WWOX: variants seen among roughly 807,000 people sequenced by gnomAD.
WWOX encodes the protein WW domain containing oxidoreductase.
In WWOX, 69 loss-of-function variants were observed where a neutral mutation model predicts 46.2. That is an observed-to-expected ratio of 1.49 (90% CI 1.23 to 1.82). WWOX has a LOEUF of 1.82. Among genes scored for constraint, WWOX ranks in the 40% most tolerant of loss-of-function variants. The pLI is 0.00. For synonymous variants in WWOX, 359 were observed against 202.6 expected (o/e 1.77, Z -6.56); for missense variants, 919 against 542.6 (o/e 1.69, Z -6.89).
chr16:78,418,620 A>G (rs575593189), intron 6 of WWOX, among the ~76,000 whole-genome samples: 1 of 152,318 alleles, frequency 6.6e-6, no homozygotes, highest in South Asian at 2.1e-4. Flanking sequence ...ACTAAGTGGA[A>G]TTTATCCAAA....
chr16:78,957,977 CT>C (rs1481679967), intron 8 of WWOX, among the ~76,000 whole-genome samples: 1 of 152,198 alleles, frequency 6.6e-6, no homozygotes, highest in Non-Finnish European at 1.5e-5. Context: ...TGCCCTCTCA[CT>C]TTCGTTTTAT....
chr16:78,756,978 A>G, intron 8 of WWOX: 1 of 702,956 alleles, frequency 1.4e-6, no homozygotes, highest in Non-Finnish European at 2.6e-6. Flanking sequence ...ACTCAAGCAT[A>G]CCCGTGTAGA....
chr16:78,483,422 ATT>A (rs367626448), intron 8 of WWOX, among the ~76,000 whole-genome samples: 8,886 of 133,814 alleles, frequency 0.066, 722 homozygotes, highest in African/African-American at 0.2. Context: ...TCTGCGTAGA[ATT>A]TTTTTTTTTT....
intron 8 of WWOX, among the ~76,000 whole-genome samples, chr16:79,188,894 G>C (rs1288412958): frequency 6.6e-6 from 1 of 152,186 alleles, no homozygotes; most frequent in Non-Finnish European, 1.5e-5. Context: ...TTGTGTGTGA[G>C]CAGCTGAGCT....
intron 8 of WWOX, among the ~76,000 whole-genome samples, chr16:78,495,077 ATTAT>A (rs2084879298): frequency 1.3e-5 from 2 of 151,874 alleles, no homozygotes; most frequent in Admixed American, 6.6e-5. Context: ...ATTAAAAATA[ATTAT>A]TTAAGCTGCA....
intron 8 of WWOX, among the ~76,000 whole-genome samples, chr16:78,814,640 T>A (rs945169428): frequency 6.6e-6 from 1 of 152,222 alleles, no homozygotes; most frequent in Admixed American, 6.5e-5. Flanking sequence ...TTCTATGGAA[T>A]CATGCACCTT....
chr16:78,626,528 C>G (rs532570663), intron 8 of WWOX, among the ~76,000 whole-genome samples: 5 of 152,122 alleles, frequency 3.3e-5, no homozygotes, highest in Non-Finnish European at 5.9e-5. Context: ...TTCATCACAT[C>G]GTATCAAGCA....
At chr16:78,655,997 C>T (rs943936253) in intron 8 of WWOX, among the ~76,000 whole-genome samples, 1 of 152,132 alleles carries the variant, frequency 6.6e-6, no homozygotes, top group East Asian at 1.9e-4. Flanking sequence ...AAAAGAGAAA[C>T]ACAACATTGA....
intron 6 of WWOX, among the ~76,000 whole-genome samples, chr16:78,420,626 G>A (rs2082903299): frequency 6.7e-6 from 1 of 149,948 alleles, no homozygotes; most frequent in African/African-American, 2.5e-5. Flanking sequence ...AGTGTAGGTA[G>A]ATAGAGGGTG....
In WWOX at chr16:79,212,500, C is replaced by T. The variant is rs192942549; in HGVS notation, c.*704C>T. The T allele has an allele frequency of 5.9e-5, 12 of 204,158 alleles. No homozygotes were observed. The East Asian group carries it at 7.6e-4, about 13-fold the overall frequency. 12.6% of individuals were successfully genotyped at this position (204,158 alleles called of 1,614,324 possible). ...ATACCTTGAAAGGCAGGAAGGGAAG[C>T]GTATATACTTAAGAATACACAGGAT... On this transcript the variant is annotated 3_prime_UTR_variant, in exon 9 of 9. Transcript: ENST00000566780.
chr16:79,026,317 G>A (rs529647248), intron 8 of WWOX, among the ~76,000 whole-genome samples: 4 of 151,562 alleles, frequency 2.6e-5, no homozygotes, highest in Non-Finnish European at 4.4e-5. Flanking sequence ...ATCCTCTGCC[G>A]GGGAGGCTCT....
At chr16:78,245,768 C>A (rs1048684066) in intron 5 of WWOX, among the ~76,000 whole-genome samples, 3 of 152,182 alleles carry the variant, frequency 2.0e-5, no homozygotes, top group Non-Finnish European at 4.4e-5. Flanking sequence ...TAAGTTAGTT[C>A]TTGCGGTACA....
intron 8 of WWOX, among the ~76,000 whole-genome samples, chr16:78,820,647 C>G (rs1567583202): frequency 6.6e-6 from 1 of 152,114 alleles, no homozygotes; most frequent in South Asian, 2.1e-4. Flanking sequence ...AGGGAAGTGC[C>G]TTGCATTTTA....
intron 8 of WWOX, among the ~76,000 whole-genome samples, chr16:79,023,573 A>G (rs553257337): frequency 8.5e-5 from 13 of 152,186 alleles, no homozygotes; most frequent in African/African-American, 3.1e-4. Context: ...ACAGGCAAAC[A>G]TGTGTGTGTT....
At chr16:78,579,974 G>C (rs913941098) in intron 8 of WWOX, among the ~76,000 whole-genome samples, 2 of 152,134 alleles carry the variant, frequency 1.3e-5, no homozygotes, top group Non-Finnish European at 2.9e-5. Flanking sequence ...TCTGAGTCAT[G>C]CCAGCGTTTA....
intron 8 of WWOX, among the ~76,000 whole-genome samples, chr16:78,672,808 G>C (rs1248361900): frequency 6.6e-6 from 1 of 152,224 alleles, no homozygotes; most frequent in Non-Finnish European, 1.5e-5. Context: ...AATGATAACA[G>C]CCATCTGACT....
At chr16:78,965,378 G>C (rs1321823944) in intron 8 of WWOX, among the ~76,000 whole-genome samples, 1 of 152,064 alleles carries the variant, frequency 6.6e-6, no homozygotes. Context: ...AGACTAGCCT[G>C]GTCAACATGG....
intron 8 of WWOX, among the ~76,000 whole-genome samples, chr16:78,990,250 C>G (rs1368129414): frequency 1.3e-5 from 2 of 151,570 alleles, no homozygotes; most frequent in Non-Finnish European, 2.9e-5. Flanking sequence ...TTAAGGGCCT[C>G]CATTCCCCCC....
chr16:78,682,265 T>C (rs370111862), intron 8 of WWOX, among the ~76,000 whole-genome samples: 3 of 152,230 alleles, frequency 2.0e-5, no homozygotes, highest in East Asian at 1.9e-4. Context: ...CAATCTTCTA[T>C]TTAAACTAGT....
Sources: allele counts gnomAD v4.1 joint callset (sites outside exome capture counted in the v4.1 genomes callset), GRCh38; gene constraint gnomAD v4.1.1; transcripts MANE v1.5; gene names NCBI Gene and HGNC (gene_info 2026-07-23, HGNC 2026-07-21).